The following NOVA2 variants were observed in gnomAD, a reference collection of about 807,000 sequenced individuals.
NOVA2 encodes RNA-binding protein Nova-2.
Under a neutral mutation model 22.5 loss-of-function variants are expected in NOVA2, and 9 were observed. The observed-to-expected ratio is 0.40, with a 90% CI of 0.24 to 0.70. The LOEUF (loss-of-function observed/expected upper bound fraction) is 0.70, where lower values mean the gene tolerates loss of function less well. Among genes scored for constraint, NOVA2 ranks in the 30% least tolerant of loss-of-function variants. The pLI is 0.38. For synonymous variants in NOVA2, 318 were observed against 335.2 expected (o/e 0.95, Z 0.56); for missense variants, 383 against 682.8 (o/e 0.56, Z 4.89).
At chr19:45,967,089 C>T (rs1968177203) in intron 1 of NOVA2, among the ~76,000 whole-genome samples, 1 of 152,026 alleles carries the variant, frequency 6.6e-6, no homozygotes, top group Admixed American at 6.5e-5. Flanking sequence ...GCCTGGAGCC[C>T]CCTCTTCTAG....
chr19:45,951,096 G>A (rs969549113), intron 3 of NOVA2, among the ~76,000 whole-genome samples: 9 of 152,176 alleles, frequency 5.9e-5, no homozygotes, highest in African/African-American at 1.7e-4. Context: ...GAGAGCCACT[G>A]GTATAACCCA....
At chr19:45,945,118 A>G (rs1967817049) in intron 3 of NOVA2, among the ~76,000 whole-genome samples, 3 of 152,084 alleles carry the variant, frequency 2.0e-5, no homozygotes, top group Admixed American at 2.0e-4. Flanking sequence ...CAACCTGGGC[A>G]AGATGGTGAA....
At position 45,940,937 on chromosome 19, in the gene NOVA2, C is replaced by G. The variant is rs143784560; in HGVS notation, c.405G>C (p.Leu135=). The change falls in exon 4 of 4, where the codon CTG becomes CTC. Residue 135 remains leucine (L), a synonymous_variant. Transcript: ENST00000263257. ...GGCCCGCCGTGCTGTTGGGGACGAT[C>G]AGCTTGGCCTGCGTGGGGAGCAAAA... ...MNPDRAKQAK[L]IVPNSTAGLI... 1.7e-4 allele frequency: 280 copies of G among 1,601,832 alleles called. No homozygotes were observed. In the African/African-American group the frequency reaches 3.5e-3, roughly 20 times the overall value.
chr19:45,947,442 G>A (rs756379098), intron 3 of NOVA2, among the ~76,000 whole-genome samples: 2 of 151,470 alleles, frequency 1.3e-5, no homozygotes, highest in Non-Finnish European at 2.9e-5. Flanking sequence ...AGTTGGAAAT[G>A]CTGATTTGTA....
chr19:45,962,099 C>T (rs1968104084), intron 1 of NOVA2, among the ~76,000 whole-genome samples: 1 of 152,138 alleles, frequency 6.6e-6, no homozygotes, highest in Admixed American at 6.5e-5. Context: ...AGGAGGATTC[C>T]TCTGATGCCC....
intron 1 of NOVA2, among the ~76,000 whole-genome samples, chr19:45,964,603 C>A (rs1968146385): frequency 7.4e-6 from 1 of 135,910 alleles, no homozygotes; most frequent in Admixed American, 7.3e-5. Flanking sequence ...CTCTGTTGCC[C>A]AGGCTGGAAT....
At position 45,955,856 on chromosome 19, in the gene NOVA2, C is replaced by CA. The variant is rs1356516132; in HGVS notation, c.230-1911dup. 3.6e-3 allele frequency among the ~76,000 whole-genome samples: 469 copies of CA among 131,856 alleles called. 1 individual carries two copies. Among genetic ancestry groups the CA allele is most frequent in the African/African-American group, 9.7e-3 (346 of 35,842 alleles). The allele number at this position is 131,856 out of a possible 152,430, so 86.5% of individuals were successfully genotyped here. A position where few individuals can be genotyped will look rare whatever the true frequency, so the allele number is the denominator to read the frequency against. On this transcript the variant is annotated intron_variant, in intron 2 of 3. Coordinates refer to ENST00000263257, the MANE Select transcript of NOVA2 (RefSeq NM_002516.4). Reference sequence around the variant, plus strand: ...CTGGCGGCAGAGCGGGACTCCGTCTCAAAAAAAAAACAAAAAAAAGAAAAA... The same window carrying CA: ...CTGGCGGCAGAGCGGGACTCCGTCTCAAAAAAAAAAACAAAAAAAAGAAAAA...
rs574229970 is a variant in NOVA2, at chr19:45,945,905, G to A, written c.397-4960C>T. On this transcript the variant is annotated intron_variant, in intron 3 of 3. Coordinates refer to ENST00000263257, the MANE Select transcript of NOVA2 (RefSeq NM_002516.4). ...GCTATGGTGCAGTGGCATCATCTCA[G>A]CTCAATGCAACCTCCACCTCCTGGG... Among the ~76,000 whole-genome samples, 7 of 146,032 alleles carry A rather than the reference G, an allele frequency of 4.8e-5. No individual in the cohort carries two copies. In the South Asian group the frequency reaches 1.3e-3, roughly 27 times the overall value.
At position 45,939,366 on chromosome 19, in the gene NOVA2, CAG is replaced by C. The variant is rs1301127570; in HGVS notation, c.*495_*496del. 2 of 150,958 alleles carry C rather than the reference CAG, an allele frequency of 1.3e-5. No homozygotes were observed. The highest frequency in any genetic ancestry group is 2.9e-5 in the Non-Finnish European group (2 of 68,588). 9.4% of individuals were successfully genotyped at this position (150,958 alleles called of 1,614,324 possible). Reference sequence around the variant, plus strand: ...CTTCCCTCAGATCTAGAACTGAAAGCAGAGAGGTGGGGTGTTGTGTTTTGGGA... The same window carrying C: ...CTTCCCTCAGATCTAGAACTGAAAGCAGAGGTGGGGTGTTGTGTTTTGGGA... On this transcript the variant is annotated 3_prime_UTR_variant, in exon 4 of 4. Transcript: ENST00000263257.
At chr19:45,956,600 G>T (rs1172639770) in intron 2 of NOVA2, among the ~76,000 whole-genome samples, 1 of 152,140 alleles carries the variant, frequency 6.6e-6, no homozygotes, top group Non-Finnish European at 1.5e-5. Context: ...CTCCTGAGTA[G>T]CTGGGATTAC....
Position 45,937,990 on chromosome 19 carries a change from G to A in NOVA2, c.*1873C>T, listed in dbSNP as rs1448264790. 2 of 152,140 alleles carry A rather than the reference G, an allele frequency of 1.3e-5. No individual in the cohort carries two copies. The highest frequency in any genetic ancestry group is 2.9e-5 in the Non-Finnish European group (2 of 68,032). The allele number at this position is 152,140 out of a possible 1,614,324, so 9.4% of individuals were successfully genotyped here. On this transcript the variant is annotated 3_prime_UTR_variant, in exon 4 of 4. Transcript: ENST00000263257. The stretch of plus-strand genomic sequence containing the variant: ...CCCCAAAGTCATAGAGAAGAAAAGG[G>A]TTTGGAAGACCTAGGAGGCGGACAA...
chr19:45,947,576 C>T (rs754875747), intron 3 of NOVA2, among the ~76,000 whole-genome samples: 8 of 151,604 alleles, frequency 5.3e-5, no homozygotes, highest in Admixed American at 2.0e-4. Flanking sequence ...CAGTTTCAAG[C>T]GATTCTCCTG....
At chr19:45,962,671 C>G (rs1049357669) in intron 1 of NOVA2, 2 of 152,024 alleles carry the variant, frequency 1.3e-5, no homozygotes, top group Non-Finnish European at 2.9e-5. Context: ...TCCTGAGATA[C>G]GGCCTTGCTC....
chr19:45,970,253 G>A (rs953278688), intron 1 of NOVA2, among the ~76,000 whole-genome samples: 3 of 152,126 alleles, frequency 2.0e-5, no homozygotes, highest in African/African-American at 7.2e-5. Flanking sequence ...CGTAAGTCTA[G>A]CCATTATTAT....
Position 45,961,117 on chromosome 19 carries a change from CT to C in NOVA2, c.121del (p.Ser41AlafsTer44). On this transcript the variant is annotated frameshift_variant, in exon 2 of 4. Coordinates refer to ENST00000263257, the MANE Select transcript of NOVA2 (RefSeq NM_002516.4). LOFTEE classifies it high-confidence loss of function. ...GEYFLKVLIP[S>X]YAAGSIIGKG... ...GCCAATGATGGAGCCCGCCGCGTAG[CT>C]GGGGATCAGCACCTTCAGGAAGTAT... is the stretch of plus-strand genomic sequence containing the variant. 1 of 1,599,498 alleles carries C rather than the reference CT, an allele frequency of 6.3e-7. No individual in the cohort carries two copies. Among genetic ancestry groups the C allele is most frequent in the Non-Finnish European group, 8.5e-7 (1 of 1,173,326 alleles).
intron 3 of NOVA2, among the ~76,000 whole-genome samples, chr19:45,947,028 A>C (rs891553910): frequency 6.6e-6 from 1 of 152,118 alleles, no homozygotes; most frequent in African/African-American, 2.4e-5. Flanking sequence ...TCAAAATAAA[A>C]AGGAAAAAAA....
intron 3 of NOVA2, among the ~76,000 whole-genome samples, chr19:45,952,172 CATA>C (rs1490513451): frequency 6.6e-6 from 1 of 152,300 alleles, no homozygotes; most frequent in African/African-American, 2.4e-5. Context: ...TCAAAAATCC[CATA>C]ATAACAACAG....
At chr19:45,954,756 G>A (rs1474721474) in intron 2 of NOVA2, among the ~76,000 whole-genome samples, 2 of 151,302 alleles carry the variant, frequency 1.3e-5, no homozygotes, top group African/African-American at 4.9e-5. Flanking sequence ...GGGAGTGGGG[G>A]CACGGGGGAG....
intron 3 of NOVA2, among the ~76,000 whole-genome samples, chr19:45,951,371 C>T (rs778533650): frequency 4.6e-5 from 7 of 152,080 alleles, no homozygotes; most frequent in Non-Finnish European, 8.8e-5. Flanking sequence ...AATCCCAGCA[C>T]TTTGGGAGGC....
Sources: allele counts gnomAD v4.1 joint callset (sites outside exome capture counted in the v4.1 genomes callset), GRCh38; gene constraint gnomAD v4.1.1; transcripts MANE v1.5; gene names NCBI Gene and HGNC (gene_info 2026-07-23, HGNC 2026-07-21).